NOMO3: variants seen among roughly 807,000 people sequenced by gnomAD.
NOMO3 encodes the protein BOS complex subunit NOMO3.
NOMO3 carries 15 observed loss-of-function variants against 69.9 expected under a neutral mutation model. That is an observed-to-expected ratio of 0.21 (90% CI 0.14 to 0.33). The LOEUF (loss-of-function observed/expected upper bound fraction) is 0.33, where lower values mean the gene tolerates loss of function less well. Among genes scored for constraint, NOMO3 ranks in the 10% least tolerant of loss-of-function variants. The pLI, the probability that NOMO3 is intolerant of heterozygous loss-of-function variation, is 1.00. For missense variants in NOMO3, 218 were observed against 761.0 expected, an observed-to-expected ratio of 0.29 and a Z score of 8.39; for synonymous variants, 89 against 301.9, an observed-to-expected ratio of 0.29 and a Z score of 7.31.
chr16:16,252,772 G>A lies in NOMO3; in HGVS notation c.963+250G>A, dbSNP rs1407949298. On this transcript the variant is annotated intron_variant, in intron 9 of 30. Transcript: ENST00000399336. ...ACATGCATTTCAGGCACCATTCCAG[G>A]ACTGGGGATATAGCAGTGACCAAAA... Among the ~76,000 whole-genome samples, 13 of 94,210 alleles carry A rather than the reference G, an allele frequency of 1.4e-4. 1 individual carries two copies. The highest frequency in any genetic ancestry group is 1.3e-3 in the Admixed American group (13 of 9,740). The allele number at this position is 94,210 out of a possible 152,430, so 61.8% of individuals were successfully genotyped here.
At chr16:16,253,270 G>A (rs1245329301) in intron 9 of NOMO3, among the ~76,000 whole-genome samples, 1 of 140,770 alleles carries the variant, frequency 7.1e-6, no homozygotes, top group Non-Finnish European at 1.5e-5. Flanking sequence ...GTGGAGACAG[G>A]GGTTGCAGTT....
chr16:16,242,629 G>A (rs2049383171), intron 3 of NOMO3, among the ~76,000 whole-genome samples: 1 of 142,296 alleles, frequency 7.0e-6, no homozygotes, highest in Non-Finnish European at 1.5e-5. Context: ...TCCTTGGTCA[G>A]AGAACAGATC....
chr16:16,241,097 A>G (rs535087827), intron 3 of NOMO3, among the ~76,000 whole-genome samples: 2 of 143,360 alleles, frequency 1.4e-5, no homozygotes, highest in East Asian at 4.6e-4. Context: ...GAACACACCC[A>G]TGTATCCACC....
In NOMO3 at chr16:16,254,476, G is replaced by GA. The variant is rs1300531168; in HGVS notation, c.964-1234dup. On this transcript the variant is annotated intron_variant, in intron 9 of 30. Coordinates refer to ENST00000399336, the MANE Select transcript of NOMO3 (RefSeq NM_001004067.4). ...GACCATCACTAAGAAACCATTTGCTGAAAAAAAAAATAAAAAAATAAAAAA... is the reference window on the plus strand; with the variant it reads ...GACCATCACTAAGAAACCATTTGCTGAAAAAAAAAAATAAAAAAATAAAAAA... Among the ~76,000 whole-genome samples the GA allele has an allele frequency of 6.7e-4, 91 of 135,858 alleles. 14 individuals are homozygous for GA. Among genetic ancestry groups the GA allele is most frequent in the African/African-American group, 2.0e-3 (65 of 31,722 alleles). 89.1% of individuals were successfully genotyped at this position (135,858 alleles called of 152,430 possible).
At chr16:16,234,908 C>G (rs1054078995) in intron 1 of NOMO3, among the ~76,000 whole-genome samples, 2 of 151,974 alleles carry the variant, frequency 1.3e-5, no homozygotes, top group African/African-American at 4.8e-5. Context: ...CTCTGGAAAG[C>G]CAGCCGATCT....
At position 16,237,031 on chromosome 16, in the gene NOMO3, A is replaced by G; in HGVS notation, c.255+41A>G. 2.5e-6 allele frequency: 4 copies of G among 1,587,410 alleles called. 1 individual carries two copies. The highest frequency in any genetic ancestry group is 2.3e-4 in the Middle Eastern group (1 of 4,384). ...TTGTCACTTATGATGGGAAGTCACT[A>G]GTGTGCCTCACCAGGCTGCATTAAC... On this transcript the variant is annotated intron_variant, in intron 2 of 30. Coordinates refer to ENST00000399336, the MANE Select transcript of NOMO3 (RefSeq NM_001004067.4).
chr16:16,265,637 GATATATAT>G, intron 15 of NOMO3, among the ~76,000 whole-genome samples: 1 of 42,378 alleles, frequency 2.4e-5, no homozygotes, highest in Non-Finnish European at 3.5e-5. Context: ...GAGTTTCTCT[GATATATAT>G]ATATATATAT....
chr16:16,243,568 G>A, intron 4 of NOMO3, among the ~76,000 whole-genome samples: 1 of 142,128 alleles, frequency 7.0e-6, no homozygotes, highest in Admixed American at 6.8e-5. Flanking sequence ...GAGTGCAGTG[G>A]TGCAATCTTG....
At chr16:16,239,018 C>T (rs1304709400) in intron 2 of NOMO3, among the ~76,000 whole-genome samples, 2 of 137,354 alleles carry the variant, frequency 1.5e-5, no homozygotes, top group Non-Finnish European at 3.0e-5. Flanking sequence ...ACGGAGGTTG[C>T]AGTGAGCCAA....
rs371044502 is a variant in NOMO3, at chr16:16,266,654, C to T, written c.1807-390C>T. On this transcript the variant is annotated intron_variant, in intron 15 of 30. Coordinates refer to ENST00000399336, the MANE Select transcript of NOMO3 (RefSeq NM_001004067.4). ...TGGGACCAGCGAGCTAAAGACCCCT[C>T]GGTGGGGATTGTTCTTCTCTTGCTT... The T allele has an allele frequency of 4.9e-5, 20 of 406,018 alleles. 4 individuals are homozygous for T. The highest frequency in any genetic ancestry group is 4.4e-4 in the African/African-American group (16 of 36,238). 25.2% of individuals were successfully genotyped at this position (406,018 alleles called of 1,614,324 possible). A position where few individuals can be genotyped will look rare whatever the true frequency, so the allele number is the denominator to read the frequency against.
chr16:16,288,184 G>GAAACAAAACAAAACA (rs745319461), intron 29 of NOMO3, among the ~76,000 whole-genome samples: 1 of 93,876 alleles, frequency 1.1e-5, no homozygotes, highest in Admixed American at 1.0e-4. Flanking sequence ...TTCTCCAGAA[G>GAAACAAAACAAAACA]AAACAAAACA....
Position 16,265,317 on chromosome 16 carries a change from C to G in NOMO3, c.1806+138C>G, listed in dbSNP as rs532791581. On this transcript the variant is annotated intron_variant, in intron 15 of 30. Coordinates refer to ENST00000399336, the MANE Select transcript of NOMO3 (RefSeq NM_001004067.4). Reference sequence around the variant, plus strand: ...TGCCTCTGCACTCACCCACCTGTTACGCAACGCATAATCAGGAAGCATTTA... The same window carrying G: ...TGCCTCTGCACTCACCCACCTGTTAGGCAACGCATAATCAGGAAGCATTTA... 2.5e-5 allele frequency: 38 copies of G among 1,531,114 alleles called. 2 individuals are homozygous for G. Among genetic ancestry groups the G allele is most frequent in the Admixed American group, 5.5e-5 (3 of 54,292 alleles). 94.8% of individuals were successfully genotyped at this position (1,531,114 alleles called of 1,614,324 possible).
At chr16:16,248,100 T>TC (rs2049427240) in intron 6 of NOMO3, among the ~76,000 whole-genome samples, 1 of 110,396 alleles carries the variant, frequency 9.1e-6, no homozygotes, top group Admixed American at 8.7e-5. Flanking sequence ...TTTTTTTTTT[T>TC]TTTAAAGACG....
chr16:16,267,008 T>C, intron 15 of NOMO3, 36 bp from the exon 16 acceptor site: 1 of 678,586 alleles, frequency 1.5e-6, no homozygotes, highest in South Asian at 1.7e-5. Context: ...TCTCCATCTC[T>C]CTTAGTAAGT....
intron 11 of NOMO3, 141 bp from the exon 12 acceptor site, chr16:16,261,361 G>T (rs1364494849): frequency 1.4e-6 from 2 of 1,405,256 alleles, no homozygotes; most frequent in South Asian, 1.4e-5. Context: ...GAATCATCTG[G>T]ATTGCATTCT....
rs987042878 is a variant in NOMO3 at position 16,245,302 on chromosome 16, G to A, written c.509+128G>A. The A allele has an allele frequency of 7.3e-6, 11 of 1,508,702 alleles. 2 individuals are homozygous for A. In the African/African-American group the frequency reaches 1.8e-4, roughly 24 times the overall value. 93.5% of individuals were successfully genotyped at this position (1,508,702 alleles called of 1,614,324 possible). On this transcript the variant is annotated intron_variant, in intron 5 of 30. Transcript: ENST00000399336. ...TCCTGATTCAGCCTCTTAAGTTTGG[G>A]TGAGTTCATGCCCGTCAGAGTGCTG...
At position 16,261,398 on chromosome 16, in the gene NOMO3, T is replaced by C. The variant is rs1167860546; in HGVS notation, c.1221-104T>C. The C allele has an allele frequency of 1.4e-6, 2 of 1,473,002 alleles. 1 individual carries two copies. Among genetic ancestry groups the C allele is most frequent in the African/African-American group, 3.4e-5 (2 of 58,710 alleles). 91.2% of individuals were successfully genotyped at this position (1,473,002 alleles called of 1,614,324 possible). A position where few individuals can be genotyped will look rare whatever the true frequency, so the allele number is the denominator to read the frequency against. ...TCTCTTCATTAAGATTAGACTATTC[T>C]CAGGAACAAGGGCTGGGAGAGGGCT... On this transcript the variant is annotated intron_variant, in intron 11 of 30. Transcript: ENST00000399336.
intron 1 of NOMO3, among the ~76,000 whole-genome samples, chr16:16,236,489 C>G (rs1357972229): frequency 6.9e-6 from 1 of 144,058 alleles, no homozygotes; most frequent in Non-Finnish European, 1.5e-5. Context: ...CTTAAGTGAT[C>G]TGCCCACCTC....
At chr16:16,233,901 G>T in intron 1 of NOMO3, among the ~76,000 whole-genome samples, 1 of 122,150 alleles carries the variant, frequency 8.2e-6, no homozygotes. Context: ...AGGATTGGGG[G>T]AGGGGTAGGG....
Sources: allele counts gnomAD v4.1 joint callset (sites outside exome capture counted in the v4.1 genomes callset), GRCh38; gene constraint gnomAD v4.1.1; transcripts MANE v1.5; gene names NCBI Gene and HGNC (gene_info 2026-07-23, HGNC 2026-07-21).